Variants in TAFA1 observed in about 807,000 individuals in gnomAD.
TAFA1 encodes TAFA chemokine like family member 1.
Under a neutral mutation model 18.5 loss-of-function variants are expected in TAFA1, and 4 were observed. That is an observed-to-expected ratio of 0.22 (90% CI 0.11 to 0.49). The LOEUF is 0.49. Ranked by LOEUF, TAFA1 falls within the 20% of genes least tolerant of loss-of-function variation. The pLI is 0.98. For missense variants in TAFA1, 147 were observed against 169.0 expected, an observed-to-expected ratio of 0.87 and a Z score of 0.72; for synonymous variants, 56 against 55.2, an observed-to-expected ratio of 1.01 and a Z score of -0.06.
intron 3 of TAFA1, among the ~76,000 whole-genome samples, chr3:68,517,356 A>T (rs185111412): frequency 6.6e-6 from 1 of 152,344 alleles, no homozygotes; most frequent in African/African-American, 2.4e-5. Context: ...ATTGAATTAA[A>T]AGAATCAGTT....
chr3:68,397,213 A>G (rs570085011), intron 2 of TAFA1, among the ~76,000 whole-genome samples: 1 of 152,188 alleles, frequency 6.6e-6, no homozygotes, highest in African/African-American at 2.4e-5. Context: ...TTACATAGGT[A>G]TGCATCTGCC....
At chr3:68,056,764 C>T (rs547423577) in intron 2 of TAFA1, among the ~76,000 whole-genome samples, 4 of 152,248 alleles carry the variant, frequency 2.6e-5, no homozygotes, top group African/African-American at 9.6e-5. Context: ...CAGGCACTTT[C>T]AGCCTGCTGG....
chr3:68,038,779 C>T (rs1267222787), intron 2 of TAFA1, among the ~76,000 whole-genome samples: 1 of 152,110 alleles, frequency 6.6e-6, no homozygotes, highest in Non-Finnish European at 1.5e-5. Context: ...AGATGTTTAG[C>T]CAAGATGTTT....
chr3:68,283,031 T>A (rs965591643), intron 2 of TAFA1, among the ~76,000 whole-genome samples: 3 of 152,172 alleles, frequency 2.0e-5, no homozygotes, highest in Non-Finnish European at 4.4e-5. Flanking sequence ...TGCATAATAT[T>A]TTACTTTATG....
At chr3:68,474,450 C>A (rs545878343) in intron 3 of TAFA1, among the ~76,000 whole-genome samples, 16 of 152,292 alleles carry the variant, frequency 1.1e-4, no homozygotes, top group African/African-American at 3.1e-4. Context: ...TCCATAGAAG[C>A]AAGCCAGAGC....
intron 2 of TAFA1, among the ~76,000 whole-genome samples, chr3:68,029,673 G>A (rs957987731): frequency 1.3e-5 from 2 of 152,166 alleles, no homozygotes; most frequent in Admixed American, 6.5e-5. Flanking sequence ...TATAGCATAT[G>A]AACTATAATA....
chr3:68,305,838 G>C (rs1021100748), intron 2 of TAFA1, among the ~76,000 whole-genome samples: 1 of 152,146 alleles, frequency 6.6e-6, no homozygotes, highest in Non-Finnish European at 1.5e-5. Flanking sequence ...TATGTGAACT[G>C]TGGCACATTA....
At chr3:68,362,834 C>CATTTTACTCT (rs1179124687) in intron 2 of TAFA1, among the ~76,000 whole-genome samples, 1 of 151,758 alleles carries the variant, frequency 6.6e-6, no homozygotes, top group East Asian at 1.9e-4. Flanking sequence ...GTTCCAAACA[C>CATTTTACTCT]ATTTTACTCT....
At chr3:68,278,200 C>A (rs888547213) in intron 2 of TAFA1, among the ~76,000 whole-genome samples, 1 of 151,984 alleles carries the variant, frequency 6.6e-6, no homozygotes, top group Admixed American at 6.6e-5. Flanking sequence ...TCATTCACAC[C>A]GACAATGGAT....
chr3:68,084,622 A>T (rs1164058201), intron 2 of TAFA1, among the ~76,000 whole-genome samples: 1 of 151,626 alleles, frequency 6.6e-6, no homozygotes, highest in Non-Finnish European at 1.5e-5. Flanking sequence ...ACATGGTGAA[A>T]CCCCATCTCT....
At chr3:68,407,277 C>T (rs977928184) in intron 2 of TAFA1, among the ~76,000 whole-genome samples, 2 of 152,020 alleles carry the variant, frequency 1.3e-5, no homozygotes, top group African/African-American at 4.8e-5. Flanking sequence ...TTATTATAAT[C>T]ACTTTGCCTG....
At chr3:68,162,562 A>AT (rs1488566292) in intron 2 of TAFA1, among the ~76,000 whole-genome samples, 15 of 151,676 alleles carry the variant, frequency 9.9e-5, no homozygotes, top group Admixed American at 7.9e-4. Context: ...TAAGACTATA[A>AT]TTTTTTCTAC....
At chr3:67,998,416 C>T in the TAFA1 span, among the ~76,000 whole-genome samples, 1 of 152,182 alleles carries the variant, frequency 6.6e-6, no homozygotes, top group Non-Finnish European at 1.5e-5. Context: ...TCCCCCACTG[C>T]ATGCATCTCT....
At chr3:68,536,925 A>G (rs1022788702) in intron 3 of TAFA1, among the ~76,000 whole-genome samples, 4 of 152,158 alleles carry the variant, frequency 2.6e-5, no homozygotes, top group African/African-American at 9.7e-5. Flanking sequence ...ATATATTTTT[A>G]TCTAATATTA....
At chr3:67,992,377 G>C in the TAFA1 span, among the ~76,000 whole-genome samples, 10 of 152,194 alleles carry the variant, frequency 6.6e-5, no homozygotes, top group African/African-American at 2.2e-4. Context: ...CCACTATGCA[G>C]TCAATCAATG....
intron 3 of TAFA1, among the ~76,000 whole-genome samples, chr3:68,462,940 A>G (rs941048680): frequency 3.9e-5 from 6 of 152,186 alleles, no homozygotes; most frequent in African/African-American, 1.4e-4. Flanking sequence ...CCAAAATTGG[A>G]AAGTAGTAAG....
At chr3:68,453,376 G>A (rs1442823451) in intron 3 of TAFA1, among the ~76,000 whole-genome samples, 1 of 152,124 alleles carries the variant, frequency 6.6e-6, no homozygotes, top group Non-Finnish European at 1.5e-5. Flanking sequence ...TCTTCTTCAA[G>A]TCACTTTTCA....
chr3:68,221,644 T>A (rs534648497), intron 2 of TAFA1, among the ~76,000 whole-genome samples: 1 of 152,134 alleles, frequency 6.6e-6, no homozygotes, highest in South Asian at 2.1e-4. Context: ...AGTCAGAAAG[T>A]GAAAAGAGAA....
At chr3:68,331,861 T>C (rs1033356419) in intron 2 of TAFA1, among the ~76,000 whole-genome samples, 17 of 128,074 alleles carry the variant, frequency 1.3e-4, no homozygotes, top group Non-Finnish European at 1.7e-4. Context: ...CTTTTCTTTT[T>C]TTTTTTTTTT....
Sources: allele counts gnomAD v4.1 joint callset (sites outside exome capture counted in the v4.1 genomes callset), GRCh38; gene constraint gnomAD v4.1.1; transcripts MANE v1.5; gene names NCBI Gene and HGNC (gene_info 2026-07-23, HGNC 2026-07-21).